The following EPB41L2 variants were observed in gnomAD, a reference collection of about 807,000 sequenced individuals.
EPB41L2 encodes erythrocyte membrane protein band 4.1 like 2.
Under a neutral mutation model 113.0 loss-of-function variants are expected in EPB41L2, and 43 were observed. The observed-to-expected ratio is 0.38, with a 90% CI of 0.30 to 0.49. The LOEUF is 0.49. EPB41L2 is among the 20% of genes least tolerant of loss of function. The pLI, the probability that EPB41L2 is intolerant of heterozygous loss-of-function variation, is 0.95. For synonymous variants in EPB41L2, 442 were observed against 436.7 expected, an observed-to-expected ratio of 1.01 and a Z score of -0.15; for missense variants, 1,147 against 1,223.4, an observed-to-expected ratio of 0.94 and a Z score of 0.93.
At chr6:130,860,785 C>T (rs1404587255) in intron 18 of EPB41L2, among the ~76,000 whole-genome samples, 2 of 152,118 alleles carry the variant, frequency 1.3e-5, no homozygotes, top group Admixed American at 6.6e-5. Context: ...CTGCCCGCCT[C>T]GGCCTCCCAA....
chr6:130,972,605 A>G (rs543887779), intron 1 of EPB41L2, among the ~76,000 whole-genome samples: 1 of 151,828 alleles, frequency 6.6e-6, no homozygotes, highest in African/African-American at 2.4e-5. Context: ...CAGATAGACT[A>G]TAAGTGCACT....
At chr6:130,882,461 G>T (rs1382030154) in intron 12 of EPB41L2, 1 of 152,620 alleles carries the variant, frequency 6.6e-6, no homozygotes, top group African/African-American at 2.4e-5. Context: ...ATTAGGAAGG[G>T]TTTAAGATAA....
intron 1 of EPB41L2, among the ~76,000 whole-genome samples, chr6:131,002,154 G>T (rs962271300): frequency 1.3e-5 from 2 of 152,168 alleles, no homozygotes; most frequent in African/African-American, 4.8e-5. Flanking sequence ...TGCCAATCAT[G>T]CCAGACTTGC....
chr6:131,035,170 C>T (rs1452155201), intron 1 of EPB41L2, among the ~76,000 whole-genome samples: 15 of 152,166 alleles, frequency 9.9e-5, no homozygotes, highest in African/African-American at 3.6e-4. Flanking sequence ...TGTTAATACT[C>T]TTGTTGTGAG....
intron 1 of EPB41L2, among the ~76,000 whole-genome samples, chr6:131,032,072 T>C (rs1263606857): frequency 6.6e-6 from 1 of 152,188 alleles, no homozygotes; most frequent in Non-Finnish European, 1.5e-5. Flanking sequence ...GAAATGCTTA[T>C]CAGATAAGCT....
chr6:130,897,621 G>A (rs1260349678), intron 8 of EPB41L2, among the ~76,000 whole-genome samples: 3 of 152,204 alleles, frequency 2.0e-5, no homozygotes, highest in South Asian at 2.1e-4. Flanking sequence ...GGGTCTAGAG[G>A]AGGAGAGGTT....
intron 1 of EPB41L2, among the ~76,000 whole-genome samples, chr6:130,997,780 C>T (rs766609379): frequency 1.3e-5 from 2 of 151,954 alleles, no homozygotes; most frequent in Non-Finnish European, 2.9e-5. Context: ...AAAATTAACA[C>T]AAAACAGAGC....
At chr6:130,926,956 T>C (rs941334366) in intron 3 of EPB41L2, among the ~76,000 whole-genome samples, 7 of 152,210 alleles carry the variant, frequency 4.6e-5, no homozygotes, top group African/African-American at 1.7e-4. Flanking sequence ...CTACTCAATA[T>C]AGACATAAAA....
chr6:130,953,658 A>C (rs1402513577), intron 3 of EPB41L2, among the ~76,000 whole-genome samples: 1 of 151,060 alleles, frequency 6.6e-6, no homozygotes, highest in Non-Finnish European at 1.5e-5. Context: ...CTAGAACTTA[A>C]AGTATTAAAA....
chr6:130,894,991 G>A lies in EPB41L2; in HGVS notation c.1365C>T (p.Phe455=), dbSNP rs1794172524. ...CCTCTGCCGGTCTGACTTTAATGTA[G>A]AAGTTACTGCGTTTATAGGAAATTT... ...ILKISYKRSN[F]YIKVRPAELE... The change falls in exon 9 of 20, where the codon TTC becomes TTT. Residue 455 remains phenylalanine (F), a synonymous_variant. Transcript: ENST00000337057. 5 of 1,613,824 alleles carry A rather than the reference G, an allele frequency of 3.1e-6. No individual in the cohort carries two copies. The highest frequency in any genetic ancestry group is 3.4e-6 in the Non-Finnish European group (4 of 1,179,824).
chr6:130,949,479 T>C (rs1814068717), intron 3 of EPB41L2, among the ~76,000 whole-genome samples: 1 of 152,068 alleles, frequency 6.6e-6, no homozygotes, highest in Non-Finnish European at 1.5e-5. Flanking sequence ...GGCATATATC[T>C]GTAGCCCCAT....
Position 130,926,662 on chromosome 6 carries a change from G to T in EPB41L2, c.753C>A (p.Leu251=), listed in dbSNP as rs1262344414. 1.2e-6 allele frequency: 2 copies of T among 1,610,384 alleles called. No individual in the cohort carries two copies. Among genetic ancestry groups the T allele is most frequent in the Non-Finnish European group, 1.7e-6 (2 of 1,179,180 alleles). Residue 251 remains leucine, a synonymous_variant, in exon 4 of 20, where the codon CTC becomes CTA. Transcript: ENST00000337057. ...CAAAGTAGTCTTTCTCCAAGAGATT[G>T]AGGTGTTCACACACTTTGTCAAATA... ...QVLFDKVCEH[L]NLLEKDYFGL...
rs571723534 is a variant in EPB41L2 at position 130,929,735 on chromosome 6, C to T, written c.706-3026G>A. Among the ~76,000 whole-genome samples the T allele has an allele frequency of 8.5e-5, 13 of 152,098 alleles. No homozygotes were observed. The South Asian group carries it at 2.3e-3, about 27-fold the overall frequency. On this transcript the variant is annotated intron_variant, in intron 3 of 19. Transcript: ENST00000337057. The stretch of plus-strand genomic sequence containing the variant: ...CCCAATTGGCTCAAAGAAAAGTGAC[C>T]AGTAGCCTACAAGATAGCCTGATAC...
chr6:131,006,081 G>T (rs949944282), intron 1 of EPB41L2, among the ~76,000 whole-genome samples: 2 of 151,906 alleles, frequency 1.3e-5, no homozygotes, highest in African/African-American at 4.8e-5. Flanking sequence ...TTTTGAGATG[G>T]AGTTTCGCTC....
intron 3 of EPB41L2, among the ~76,000 whole-genome samples, chr6:130,938,285 T>C (rs1809582909): frequency 6.6e-6 from 1 of 152,224 alleles, no homozygotes; most frequent in African/African-American, 2.4e-5. Context: ...AACATTGATC[T>C]ACTTGGGGCA....
intron 3 of EPB41L2, among the ~76,000 whole-genome samples, chr6:130,953,874 C>T (rs1816198994): frequency 1.3e-5 from 2 of 151,830 alleles, no homozygotes; most frequent in Admixed American, 1.3e-4. Context: ...TCACCAGACA[C>T]CAAATTTTCT....
Position 130,870,099 on chromosome 6 carries a change from C to T in EPB41L2, c.2071G>A (p.Glu691Lys). The T allele has an allele frequency of 2.5e-6, 4 of 1,612,772 alleles. No homozygotes were observed. The highest frequency in any genetic ancestry group is 1.7e-5 in the Admixed American group (1 of 59,952). ...GSSHETLNIV[E>K]EKKRAEVGKD... ...CCAACCTCTGCCCGCTTCTTCTCCT[C>T]CACTATATTCAGAGTCTCATGTGAA... Residue 691 changes from glutamate (E) to lysine (K), a missense_variant, in exon 15 of 20, where the codon GAG becomes AAG. By Grantham distance (56) the Glu-to-Lys change is moderately conservative (BLOSUM62 1). Transcript: ENST00000337057.
At chr6:130,966,128 G>T (rs1775099744) in intron 1 of EPB41L2, among the ~76,000 whole-genome samples, 1 of 152,166 alleles carries the variant, frequency 6.6e-6, no homozygotes, top group Non-Finnish European at 1.5e-5. Flanking sequence ...CCTGCGGCCT[G>T]CAGGCCACAG....
At chr6:130,900,574 T>C (rs1562436034) in intron 7 of EPB41L2, among the ~76,000 whole-genome samples, 2 of 152,194 alleles carry the variant, frequency 1.3e-5, no homozygotes, top group Non-Finnish European at 2.9e-5. Flanking sequence ...TGCCTCCTTA[T>C]CTCCCTAGCT....
Sources: allele counts gnomAD v4.1 joint callset (sites outside exome capture counted in the v4.1 genomes callset), GRCh38; gene constraint gnomAD v4.1.1; transcripts MANE v1.5; gene names NCBI Gene and HGNC (gene_info 2026-07-23, HGNC 2026-07-21).